XRN1: variants seen among roughly 807,000 people sequenced by gnomAD.
XRN1 encodes the protein 5'-3' exoribonuclease 1.
XRN1 carries 67 observed loss-of-function variants against 222.3 expected under a neutral mutation model. The ratio of observed to expected loss-of-function variants is 0.30; its 90% confidence interval spans 0.25 to 0.37. The LOEUF is 0.37. Among genes scored for constraint, XRN1 ranks in the 10% least tolerant of loss-of-function variants. The pLI, the probability that XRN1 is intolerant of heterozygous loss-of-function variation, is 1.00. For missense variants in XRN1, 1,707 were observed against 2,000.2 expected (o/e 0.85, Z 2.80); for synonymous variants, 643 against 652.4 (o/e 0.99, Z 0.22).
intron 2 of XRN1, among the ~76,000 whole-genome samples, chr3:142,432,371 A>C (rs1002857128): frequency 6.6e-6 from 1 of 150,536 alleles, no homozygotes; most frequent in African/African-American, 2.5e-5. Flanking sequence ...CAGTGAGCTA[A>C]GACTGTACCA....
At chr3:142,367,375 G>A (rs540868347) in intron 27 of XRN1, among the ~76,000 whole-genome samples, 96 of 95,568 alleles carry the variant, frequency 1.0e-3, no homozygotes, top group Non-Finnish European at 1.8e-3. Flanking sequence ...AAGATTCTCC[G>A]GTGATTTGTT....
At chr3:142,324,243 C>T (rs1238827168) in intron 37 of XRN1, among the ~76,000 whole-genome samples, 1 of 111,356 alleles carries the variant, frequency 9.0e-6, no homozygotes, top group African/African-American at 3.4e-5. Flanking sequence ...CTATCCCTCC[C>T]CCCTCCCCCC....
chr3:142,345,466 T>G (rs570916032), intron 33 of XRN1, among the ~76,000 whole-genome samples: 8 of 152,320 alleles, frequency 5.3e-5, no homozygotes, highest in African/African-American at 1.9e-4. Flanking sequence ...ACACTGTAAC[T>G]CTTTGTGACT....
Position 142,403,946 on chromosome 3 carries a change from T to G in XRN1, c.1927A>C (p.Lys643Gln), listed in dbSNP as rs1489834253. 6.2e-7 allele frequency: 1 copy of G among 1,606,892 alleles called. No homozygotes were observed. The highest frequency in any genetic ancestry group is 1.3e-5 in the African/African-American group (1 of 74,794). The change falls in exon 17 of 41, where the codon AAA (lysine) becomes CAA (glutamine). Residue 643 changes from lysine to glutamine, a missense_variant. Coordinates refer to ENST00000392981, the MANE Select transcript of XRN1 (RefSeq NM_001282857.2). ...SLDAWRVDIN[K>Q]NKITRIDQKA... Reference sequence around the variant, plus strand: ...TGGTCAATTCTGGTTATTTTGTTTTTGTTTATGTCTACACGCCAAGCATCT... The same window carrying G: ...TGGTCAATTCTGGTTATTTTGTTTTGGTTTATGTCTACACGCCAAGCATCT...
At chr3:142,366,266 G>A (rs370285460) in intron 27 of XRN1, among the ~76,000 whole-genome samples, 4 of 152,166 alleles carry the variant, frequency 2.6e-5, no homozygotes, top group South Asian at 4.1e-4. Flanking sequence ...TAATTATATG[G>A]CAGTCACCTC....
At chr3:142,322,654 G>A (rs1157618093) in intron 37 of XRN1, among the ~76,000 whole-genome samples, 1 of 151,910 alleles carries the variant, frequency 6.6e-6, no homozygotes, top group South Asian at 2.1e-4. Context: ...TAGCCTGGGC[G>A]AACAGAGCGA....
chr3:142,416,967 T>G (rs1444480235), intron 13 of XRN1, among the ~76,000 whole-genome samples, 173 bp downstream of exon 13: 2 of 146,562 alleles, frequency 1.4e-5, no homozygotes, highest in Non-Finnish European at 3.0e-5. Context: ...AGGCGGAGAT[T>G]GCAATGAGCC....
At chr3:142,380,850 G>A (rs574132966) in intron 22 of XRN1, among the ~76,000 whole-genome samples, 1 of 152,192 alleles carries the variant, frequency 6.6e-6, no homozygotes, top group Non-Finnish European at 1.5e-5. Flanking sequence ...ATTTTGCCAT[G>A]TTGCCCAGGC....
chr3:142,413,219 G>A (rs748877266), intron 14 of XRN1, among the ~76,000 whole-genome samples: 14 of 152,136 alleles, frequency 9.2e-5, no homozygotes, highest in Non-Finnish European at 1.8e-4. Flanking sequence ...GACAAAGAAA[G>A]CATAAGGAAA....
chr3:142,423,739 T>C, intron 5 of XRN1, 97 bp from the exon 6 acceptor site: 2 of 863,410 alleles, frequency 2.3e-6, no homozygotes, highest in Non-Finnish European at 3.4e-6. Context: ...CAAGGAAGAA[T>C]AAGAAACAAT....
At chr3:142,407,338 TATTTA>T (rs2068380919) in intron 15 of XRN1, among the ~76,000 whole-genome samples, 1 of 152,206 alleles carries the variant, frequency 6.6e-6, no homozygotes, top group African/African-American at 2.4e-5. Flanking sequence ...AAAATTTATT[TATTTA>T]TTTATTTGAT....
chr3:142,355,258 AAAG>A, intron 32 of XRN1, 140 bp downstream of exon 32: 2 of 463,140 alleles, frequency 4.3e-6, no homozygotes, highest in Admixed American at 4.2e-5. Flanking sequence ...TTATTTAAAA[AAAG>A]AAAAAGAAAA....
At chr3:142,431,795 C>A (rs558175673) in intron 2 of XRN1, among the ~76,000 whole-genome samples, 2 of 120,032 alleles carry the variant, frequency 1.7e-5, no homozygotes, top group Non-Finnish European at 3.4e-5. Flanking sequence ...CCAGCCTGGG[C>A]GACAAGAGCA....
chr3:142,443,522 C>T (rs1559891389), intron 1 of XRN1, among the ~76,000 whole-genome samples: 1 of 152,184 alleles, frequency 6.6e-6, no homozygotes, highest in Non-Finnish European at 1.5e-5. Context: ...CCTGACAGCA[C>T]AGTGGGAGGG....
chr3:142,434,018 G>T (rs1245342552), intron 1 of XRN1, among the ~76,000 whole-genome samples: 1 of 152,168 alleles, frequency 6.6e-6, no homozygotes, highest in African/African-American at 2.4e-5. Flanking sequence ...TTACTGACAG[G>T]CTGAACTGAA....
intron 33 of XRN1, among the ~76,000 whole-genome samples, chr3:142,336,593 T>G: frequency 2.1e-5 from 3 of 140,276 alleles, no homozygotes; most frequent in East Asian, 2.1e-4. Flanking sequence ...GAAGGAAGGG[T>G]AAGAGAAGGA....
intron 26 of XRN1, among the ~76,000 whole-genome samples, chr3:142,370,871 C>CA (rs755539501): frequency 7.3e-5 from 11 of 150,398 alleles, no homozygotes; most frequent in Non-Finnish European, 1.0e-4. Flanking sequence ...TGAAACAATG[C>CA]AAAAAAACAA....
chr3:142,318,630 G>C lies in XRN1; in HGVS notation c.4583C>G (p.Pro1528Arg). ...QVFANYPSAV[P>R]PGTIPPAFPP... ...AAAGGCTGGAGGAATGGTTCCAGGT[G>C]GTACAGCTGAAGGATAATTTGCAAA... The change falls in exon 39 of 41, where the codon CCA becomes CGA. Residue 1528 changes from proline (P) to arginine (R), a missense_variant. By Grantham distance (103) the Pro-to-Arg change is moderately radical. This residue lies in a region of XRN1 where 473 missense variants were observed against 482.0 expected (regional missense o/e 0.98). Coordinates refer to ENST00000392981, the MANE Select transcript of XRN1 (RefSeq NM_001282857.2). The C allele has an allele frequency of 5.6e-6, 9 of 1,609,312 alleles. No homozygotes were observed. The highest frequency in any genetic ancestry group is 7.6e-6 in the Non-Finnish European group (9 of 1,178,220).
rs116864608 is a variant in XRN1, at chr3:142,444,663, C to T, written c.75+3207G>A. 4.2e-3 allele frequency among the ~76,000 whole-genome samples: 641 copies of T among 152,036 alleles called. 14 individuals are homozygous for T. The East Asian group carries it at 0.044, about 10-fold the overall frequency. On this transcript the variant is annotated intron_variant, in intron 1 of 40. Transcript: ENST00000392981. Reference sequence around the variant, plus strand: ...TAAGACCTACTATGTGATAGCACAACAGGGTGACGATAGGCAATAATTTAA... The same window carrying T: ...TAAGACCTACTATGTGATAGCACAATAGGGTGACGATAGGCAATAATTTAA...
Sources: allele counts gnomAD v4.1 joint callset (sites outside exome capture counted in the v4.1 genomes callset), GRCh38; gene constraint gnomAD v4.1.1; regional missense constraint gnomAD v4.1.1; transcripts MANE v1.5; gene names NCBI Gene and HGNC (gene_info 2026-07-23, HGNC 2026-07-21).